The following GPR158 variants were observed in gnomAD, a reference collection of about 807,000 sequenced individuals.
The protein encoded by GPR158 is metabotropic glycine receptor.
In GPR158, 30 loss-of-function variants were observed where a neutral mutation model predicts 78.2. That is an observed-to-expected ratio of 0.38 (90% confidence interval 0.29 to 0.52). The LOEUF (loss-of-function observed/expected upper bound fraction) is 0.52. Ranked by LOEUF, GPR158 falls within the 20% of genes least tolerant of loss-of-function variation. The pLI is 0.83. For synonymous variants in GPR158, 581 were observed against 591.1 expected, an observed-to-expected ratio of 0.98 and a Z score of 0.25; for missense variants, 1,463 against 1,523.5, an observed-to-expected ratio of 0.96 and a Z score of 0.66.
intron 2 of GPR158, among the ~76,000 whole-genome samples, chr10:25,267,708 C>A (rs74126504): frequency 6.6e-4 from 100 of 152,184 alleles, no homozygotes; most frequent in African/African-American, 2.1e-3. Flanking sequence ...CAAAACCTAT[C>A]ATTTATTTTG....
Position 25,597,784 on chromosome 10 carries a change from A to T in GPR158, c.2158A>T (p.Lys720Ter), listed in dbSNP as rs765027598. ...TTTGTTCTGGCAGGACGAGCTGAAA[A>T]AACTCTATGCCCAACTGGAAATATA... ...DPEDIRDELK[K>*]LYAQLEIYKR... Residue 720 changes from lysine (K) to a stop codon, truncating the protein, a stop_gained, in exon 11 of 11, where the codon AAA (lysine) becomes TAA (stop). Coordinates refer to ENST00000376351, the MANE Select transcript of GPR158 (RefSeq NM_020752.3). LOFTEE classifies it low-confidence loss of function (END_TRUNC). 1 of 1,500,580 alleles carries T rather than the reference A, an allele frequency of 6.7e-7. No individual in the cohort carries two copies. Among genetic ancestry groups the T allele is most frequent in the Non-Finnish European group, 8.9e-7 (1 of 1,126,216 alleles). 93.0% of individuals were successfully genotyped at this position (1,500,580 alleles called of 1,614,324 possible). A position where few individuals can be genotyped will look rare whatever the true frequency, so the allele number is the denominator to read the frequency against.
intron 4 of GPR158, among the ~76,000 whole-genome samples, chr10:25,432,409 C>T (rs972756517): frequency 7.2e-5 from 11 of 152,198 alleles, no homozygotes; most frequent in Admixed American, 1.3e-4. Context: ...ATTAAAAGTG[C>T]ATGGTCGTTT....
rs1191928943 is a variant in GPR158, at chr10:25,176,267, G to A, written c.847G>A (p.Val283Ile). ...CGGGAGTTACAAGCCCGGGTGGCTG[G>A]TTACTCTTTCCTCTGCCATCTACGG... ...ENGSYKPGWL[V>I]TLSSAIYGLQ... The change falls in exon 1 of 11, where the codon GTT becomes ATT. Residue 283 changes from valine (V) to isoleucine (I), a missense_variant. Val to Ile is a conservative substitution (Grantham distance 29). Coordinates refer to ENST00000376351, the MANE Select transcript of GPR158 (RefSeq NM_020752.3). The surrounding 1 kb of genome is among the most constrained non-coding windows in gnomAD (Gnocchi z 6.3). 1 of 1,610,116 alleles carries A rather than the reference G, an allele frequency of 6.2e-7. No individual in the cohort carries two copies. Among genetic ancestry groups the A allele is most frequent in the East Asian group, 2.2e-5 (1 of 44,820 alleles).
chr10:25,444,063 T>C (rs1436898486), intron 4 of GPR158, among the ~76,000 whole-genome samples: 1 of 152,112 alleles, frequency 6.6e-6, no homozygotes. Context: ...CTCTGCCCAC[T>C]AGTTGCAAGT....
rs373102624 is a variant in GPR158 at position 25,186,394 on chromosome 10, G to A, written c.902+10072G>A. On this transcript the variant is annotated intron_variant, in intron 1 of 10. Coordinates refer to ENST00000376351, the MANE Select transcript of GPR158 (RefSeq NM_020752.3). ...GATCAGAGCAGAACTGAAGGAGATA[G>A]AGACACAAAAAACCCTTCAAAAAAT... Among the ~76,000 whole-genome samples, 37 of 152,100 alleles carry A rather than the reference G, an allele frequency of 2.4e-4. No individual in the cohort carries two copies. In the East Asian group the frequency reaches 4.6e-3, roughly 19 times the overall value.
intron 4 of GPR158, among the ~76,000 whole-genome samples, chr10:25,423,295 A>G (rs1332625670): frequency 1.3e-5 from 2 of 151,926 alleles, no homozygotes; most frequent in African/African-American, 2.4e-5. Context: ...ATAAACATGC[A>G]TATGCAGATA....
chr10:25,334,422 C>T (rs1468536464), intron 2 of GPR158, among the ~76,000 whole-genome samples: 4 of 142,118 alleles, frequency 2.8e-5, no homozygotes, highest in Non-Finnish European at 6.5e-5. Flanking sequence ...AAACCTACCT[C>T]CCATTTGTTT....
chr10:25,598,833 T>C lies in GPR158; in HGVS notation c.3207T>C (p.Ala1069=), dbSNP rs775013429. The change falls in exon 11 of 11, where the codon GCT becomes GCC. Residue 1069 remains alanine (A), a synonymous_variant. Coordinates refer to ENST00000376351, the MANE Select transcript of GPR158 (RefSeq NM_020752.3). ...QQSNQKRIDK[A]EVCLWESQGQ... is the part of the protein sequence containing the mutation. ...CCAATCAGAAGCGCATAGATAAGGC[T>C]GAAGTATGCCTTTGGGAGAGCCAAG... The C allele has an allele frequency of 1.2e-6, 2 of 1,614,108 alleles. No homozygotes were observed. Among genetic ancestry groups the C allele is most frequent in the South Asian group, 2.2e-5 (2 of 91,074 alleles).
chr10:25,449,251 T>C (rs547964828), intron 4 of GPR158, among the ~76,000 whole-genome samples: 1 of 152,372 alleles, frequency 6.6e-6, no homozygotes, highest in African/African-American at 2.4e-5. Context: ...TAATGATGTC[T>C]CATTTTCAGT....
At chr10:25,367,253 TG>T (rs1370655530) in intron 2 of GPR158, among the ~76,000 whole-genome samples, 1 of 151,698 alleles carries the variant, frequency 6.6e-6, no homozygotes, top group Non-Finnish European at 1.5e-5. Flanking sequence ...GAAAAGACTA[TG>T]TTTTTTTCCT....
rs1287656237 is a variant in GPR158 at position 25,561,012 on chromosome 10, A to G, written c.1514+9927A>G. 2.0e-5 allele frequency among the ~76,000 whole-genome samples: 3 copies of G among 152,172 alleles called. No homozygotes were observed. The East Asian group carries it at 5.8e-4, about 29-fold the overall frequency. On this transcript the variant is annotated intron_variant, in intron 6 of 10. Coordinates refer to ENST00000376351, the MANE Select transcript of GPR158 (RefSeq NM_020752.3). Reference sequence around the variant, plus strand: ...GACCACAAAAACTAAATCTTGAATTAAGAGTAAGAGCAGATCAAGATTATT... The same window carrying G: ...GACCACAAAAACTAAATCTTGAATTGAGAGTAAGAGCAGATCAAGATTATT...
rs528598759 is a variant in GPR158 at position 25,507,709 on chromosome 10, A to G, written c.1404+40990A>G. Among the ~76,000 whole-genome samples, 345 of 152,348 alleles carry G rather than the reference A, an allele frequency of 2.3e-3. 2 individuals carry two copies. The highest frequency in any genetic ancestry group is 3.6e-3 in the Non-Finnish European group (244 of 68,028). On this transcript the variant is annotated intron_variant, in intron 5 of 10. Coordinates refer to ENST00000376351, the MANE Select transcript of GPR158 (RefSeq NM_020752.3). ...GACATGACAATCACTCTGGTATGTT[A>G]TTTTAAAATAAAATTATCAGAGTCA... is the stretch of plus-strand genomic sequence containing the variant.
intron 2 of GPR158, among the ~76,000 whole-genome samples, chr10:25,310,752 A>G (rs1055166380): frequency 6.6e-6 from 1 of 151,714 alleles, no homozygotes; most frequent in Non-Finnish European, 1.5e-5. Flanking sequence ...GAAATTTATT[A>G]TTTTTCTTTT....
Position 25,509,057 on chromosome 10 carries a change from A to G in GPR158, c.1405-41919A>G, listed in dbSNP as rs371258390. Among the ~76,000 whole-genome samples, 41 of 152,234 alleles carry G rather than the reference A, an allele frequency of 2.7e-4. No individual in the cohort carries two copies. The East Asian group carries it at 4.1e-3, about 15-fold the overall frequency. The stretch of plus-strand genomic sequence containing the variant: ...TGGCACTATTGCCATTTTGGCCTAG[A>G]TAATTCTTTGTTGGTGGAGGGGGTA... On this transcript the variant is annotated intron_variant, in intron 5 of 10. Coordinates refer to ENST00000376351, the MANE Select transcript of GPR158 (RefSeq NM_020752.3).
intron 2 of GPR158, among the ~76,000 whole-genome samples, chr10:25,273,321 G>A (rs911859274): frequency 6.6e-6 from 1 of 151,566 alleles, no homozygotes; most frequent in African/African-American, 2.4e-5. Context: ...TTTACCCAAG[G>A]AGAAGAAGTT....
At chr10:25,421,800 C>G (rs1465399640) in intron 4 of GPR158, among the ~76,000 whole-genome samples, 3 of 152,034 alleles carry the variant, frequency 2.0e-5, no homozygotes, top group Non-Finnish European at 2.9e-5. Flanking sequence ...TTTTCTCCCC[C>G]TTCCCAGTTT....
intron 2 of GPR158, among the ~76,000 whole-genome samples, chr10:25,308,068 C>G (rs150034578): frequency 3.3e-5 from 5 of 152,232 alleles, no homozygotes; most frequent in African/African-American, 1.2e-4. Context: ...TTTAATTTAG[C>G]CAATATGTTA....
intron 2 of GPR158, among the ~76,000 whole-genome samples, chr10:25,317,697 T>G: frequency 6.6e-6 from 1 of 151,996 alleles, no homozygotes; most frequent in Admixed American, 6.6e-5. Context: ...ATTCTTAAAT[T>G]CTGTTTTCTT....
intron 2 of GPR158, among the ~76,000 whole-genome samples, chr10:25,241,129 CTTTCTTTCTTTCTT>C (rs1359238753): frequency 2.0e-4 from 8 of 39,168 alleles, no homozygotes; most frequent in African/African-American, 5.8e-4. Context: ...CTTTGATTTT[CTTTCTTTCTTTCTT>C]TCTTTCTTTC....
Sources: gnomAD v4.1 joint callset for allele counts (sites outside exome capture counted in the v4.1 genomes callset) on GRCh38, gnomAD v4.1.1 for gene constraint, Gnocchi (gnomAD v3.1) non-coding constraint, MANE v1.5 for transcripts, NCBI Gene and HGNC (gene_info 2026-07-23, HGNC 2026-07-21) for gene names.